The following VSTM5 variants were observed in gnomAD, a reference collection of about 807,000 sequenced individuals.
VSTM5 encodes the protein V-set and transmembrane domain containing 5, also known as V-set and transmembrane domain-containing protein 5.
In VSTM5, 21 loss-of-function variants were observed where a neutral mutation model predicts 20.3. The observed-to-expected ratio is 1.03, with a 90% CI of 0.73 to 1.49. The LOEUF is 1.49. VSTM5 is among the 40% of genes most tolerant of loss of function. The probability of loss-of-function intolerance (pLI) is 0.00; values close to 1 mark genes in which losing one functional copy is unlikely to be tolerated. For synonymous variants in VSTM5, 100 were observed against 102.5 expected, an observed-to-expected ratio of 0.98 and a Z score of 0.14; for missense variants, 219 against 250.0, an observed-to-expected ratio of 0.88 and a Z score of 0.84.
In VSTM5 at chr11:93,818,873, G is replaced by A. The variant is rs1944154478; in HGVS notation, c.*1696C>T. ...GACTGCTGCGTGGGGATAGGACATA[G>A]TGTGTGAGTTTACCCGTGTGTCTAC... is the stretch of plus-strand genomic sequence containing the variant. On this transcript the variant is annotated 3_prime_UTR_variant, in exon 4 of 4. Coordinates refer to ENST00000409977, the MANE Select transcript of VSTM5 (RefSeq NM_001144871.2). 1 of 152,340 alleles carries A rather than the reference G, an allele frequency of 6.6e-6. No homozygotes were observed. The highest frequency in any genetic ancestry group is 2.4e-5 in the African/African-American group (1 of 41,460). 9.4% of individuals were successfully genotyped at this position (152,340 alleles called of 1,614,324 possible).
At chr11:93,826,898 CCTA>C (rs1944243053) in intron 1 of VSTM5, among the ~76,000 whole-genome samples, 1 of 151,894 alleles carries the variant, frequency 6.6e-6, no homozygotes. Flanking sequence ...CAATTTTACT[CCTA>C]CTGTTGATTT....
intron 1 of VSTM5, among the ~76,000 whole-genome samples, chr11:93,842,093 T>C (rs1944374824): frequency 6.6e-6 from 1 of 152,222 alleles, no homozygotes; most frequent in Non-Finnish European, 1.5e-5. Flanking sequence ...ACAATATATG[T>C]AAAGAGCTTA....
chr11:93,829,322 T>A (rs1009436631), intron 1 of VSTM5, among the ~76,000 whole-genome samples: 3 of 151,386 alleles, frequency 2.0e-5, no homozygotes, highest in African/African-American at 4.9e-5. Context: ...AAGTCAGGAG[T>A]TTCAGAACAG....
At position 93,829,124 on chromosome 11, in the gene VSTM5, T is replaced by G. The variant is rs1450872097; in HGVS notation, c.92-7801A>C. On this transcript the variant is annotated intron_variant, in intron 1 of 3. Coordinates refer to ENST00000409977, the MANE Select transcript of VSTM5 (RefSeq NM_001144871.2). Reference sequence around the variant, plus strand: ...CCACTTACCCTTCTCTGATCAGGTCTCTGTCACCTGCCTCAGGGTGACTGA... The same window carrying G: ...CCACTTACCCTTCTCTGATCAGGTCGCTGTCACCTGCCTCAGGGTGACTGA... Among the ~76,000 whole-genome samples, 3 of 152,224 alleles carry G rather than the reference T, an allele frequency of 2.0e-5. No individual in the cohort carries two copies. The East Asian group carries it at 5.8e-4, about 29-fold the overall frequency.
intron 1 of VSTM5, among the ~76,000 whole-genome samples, chr11:93,826,895 A>C (rs2135731638): frequency 6.6e-6 from 1 of 151,802 alleles, no homozygotes; most frequent in African/African-American, 2.4e-5. Context: ...TTCCAATTTT[A>C]CTCCTACTGT....
chr11:93,821,563 T>C (rs1445824941), intron 1 of VSTM5: 2 of 522,232 alleles, frequency 3.8e-6, no homozygotes, highest in South Asian at 2.5e-5. Flanking sequence ...AATGCTCCCT[T>C]TTATTTCAAC....
At position 93,842,995 on chromosome 11, in the gene VSTM5, G is replaced by A. The variant is rs147252732; in HGVS notation, c.91+7417C>T. The stretch of plus-strand genomic sequence containing the variant: ...AATCTCAGCTACTCAGGAGGCAGAG[G>A]CAGGAGAATCACTTGATCCTGGGAG... On this transcript the variant is annotated intron_variant, in intron 1 of 3. Coordinates refer to ENST00000409977, the MANE Select transcript of VSTM5 (RefSeq NM_001144871.2). 1.1e-3 allele frequency among the ~76,000 whole-genome samples: 165 copies of A among 152,172 alleles called. 1 individual carries two copies. Among genetic ancestry groups the A allele is most frequent in the African/African-American group, 3.8e-3 (157 of 41,478 alleles).
chr11:93,830,486 A>G (rs1368235991), intron 1 of VSTM5, among the ~76,000 whole-genome samples: 1 of 152,264 alleles, frequency 6.6e-6, no homozygotes, highest in South Asian at 2.1e-4. Context: ...TTGTTGTCCT[A>G]TTCATCTCAG....
At chr11:93,845,446 T>A (rs1944405475) in intron 1 of VSTM5, among the ~76,000 whole-genome samples, 1 of 152,194 alleles carries the variant, frequency 6.6e-6, no homozygotes. Context: ...ACAAAAAATG[T>A]CCTGTGCTCC....
chr11:93,823,026 C>T (rs1296969190), intron 1 of VSTM5, among the ~76,000 whole-genome samples: 3 of 152,174 alleles, frequency 2.0e-5, no homozygotes, highest in Non-Finnish European at 4.4e-5. Context: ...TTTTCACACC[C>T]TCATGGAACT....
At chr11:93,845,534 G>C (rs536827379) in intron 1 of VSTM5, among the ~76,000 whole-genome samples, 1 of 152,282 alleles carries the variant, frequency 6.6e-6, no homozygotes, top group South Asian at 2.1e-4. Context: ...ACCAGTTATA[G>C]GAGGGGCGAG....
chr11:93,845,414 C>T (rs753016146), intron 1 of VSTM5, among the ~76,000 whole-genome samples: 1 of 152,158 alleles, frequency 6.6e-6, no homozygotes, highest in Non-Finnish European at 1.5e-5. Flanking sequence ...TAGCATGCTC[C>T]CTTGACCAGC....
intron 1 of VSTM5, among the ~76,000 whole-genome samples, chr11:93,846,602 T>C (rs34432227): frequency 0.54 from 81,419 of 151,496 alleles, 22,917 homozygotes; most frequent in East Asian, 0.72. Flanking sequence ...ATCAGTGGGG[T>C]CTGGCTAAGT....
At chr11:93,820,933 C>T (rs1046297837) in intron 2 of VSTM5, 50 bp from the exon 3 acceptor site, 9 of 1,550,456 alleles carry the variant, frequency 5.8e-6, no homozygotes, top group African/African-American at 5.5e-5. Flanking sequence ...CTTTTAATAT[C>T]GTGAAATTGG....
chr11:93,820,936 G>A, intron 2 of VSTM5, 53 bp from the exon 3 acceptor site: 2 of 1,550,842 alleles, frequency 1.3e-6, no homozygotes, highest in African/African-American at 1.4e-5. Flanking sequence ...TTAATATCGT[G>A]AAATTGGCCT....
Position 93,820,442 on chromosome 11 carries a change from C to G in VSTM5, c.*127G>C. The G allele has an allele frequency of 1.0e-6, 1 of 963,502 alleles. No individual in the cohort carries two copies. The highest frequency in any genetic ancestry group is 3.2e-4 in the Middle Eastern group (1 of 3,118). The allele number at this position is 963,502 out of a possible 1,614,324, so 59.7% of individuals were successfully genotyped here. On this transcript the variant is annotated 3_prime_UTR_variant, in exon 4 of 4. Transcript: ENST00000409977. ...ACTCCATGCAGTCAATGTTGTTAAT[C>G]TCCCACTGTCCTGTTAGGAGCGGGC...
chr11:93,835,736 A>T (rs674150), intron 1 of VSTM5, among the ~76,000 whole-genome samples: 147,239 of 152,274 alleles, frequency 0.97, 71,308 homozygotes, highest in East Asian at 1. Flanking sequence ...CTTCAAAATC[A>T]ACATCTTCAA....
At chr11:93,835,433 T>TA (rs1485961797) in intron 1 of VSTM5, among the ~76,000 whole-genome samples, 1 of 152,114 alleles carries the variant, frequency 6.6e-6, no homozygotes, top group East Asian at 1.9e-4. Flanking sequence ...TAAAAAAATT[T>TA]AAAAAAATTA....
At chr11:93,825,270 G>A (rs919117045) in intron 1 of VSTM5, among the ~76,000 whole-genome samples, 1 of 151,902 alleles carries the variant, frequency 6.6e-6, no homozygotes, top group African/African-American at 2.4e-5. Context: ...CTGGGGTTAA[G>A]GTGATCCTCC....
Sources: allele counts gnomAD v4.1 joint callset (sites outside exome capture counted in the v4.1 genomes callset), GRCh38; gene constraint gnomAD v4.1.1; transcripts MANE v1.5; gene names NCBI Gene and HGNC (gene_info 2026-07-23, HGNC 2026-07-21).